PLEKHG1: variants seen among roughly 807,000 people sequenced by gnomAD.
The protein encoded by PLEKHG1 is pleckstrin homology domain-containing family G member 1.
PLEKHG1 carries 44 observed loss-of-function variants against 100.8 expected under a neutral mutation model. The ratio of observed to expected loss-of-function variants is 0.44; its 90% CI spans 0.34 to 0.56. The LOEUF (loss-of-function observed/expected upper bound fraction) is 0.56. Among genes scored for constraint, PLEKHG1 ranks in the 20% least tolerant of loss-of-function variants. PLEKHG1 has a pLI of 0.01. For missense variants in PLEKHG1, 1,545 were observed against 1,720.9 expected, an observed-to-expected ratio of 0.90 and a Z score of 1.81; for synonymous variants, 640 against 662.5, an observed-to-expected ratio of 0.97 and a Z score of 0.52.
At position 150,651,025 on chromosome 6, in the gene PLEKHG1, CTA is replaced by C. The variant is rs568184437; in HGVS notation, c.-99+242_-99+243del. ...AATTGTTTTTCCTATACATGCATATCTATAATAAGTTTTCATGTCTACATTAG... is the reference window on the plus strand; with the variant it reads ...AATTGTTTTTCCTATACATGCATATCTAATAAGTTTTCATGTCTACATTAG... On this transcript the variant is annotated intron_variant, in intron 3 of 3. Transcript: ENST00000367326. The C allele has an allele frequency of 1.4e-4, 21 of 152,214 alleles. No homozygotes were observed. The South Asian group carries it at 4.4e-3, about 32-fold the overall frequency. The allele number at this position is 152,214 out of a possible 1,614,324, so 9.4% of individuals were successfully genotyped here.
At position 150,816,326 on chromosome 6, in the gene PLEKHG1, CTTTTTTTTTTT is replaced by C. The variant is rs1173343082; in HGVS notation, c.1279-1836_1279-1826del. ...GAGGTTTGAAGTTGTCTCAAACATACTTTTTTTTTTTTTTTTTTTTTTTTTTTTTTTGAGAT... is the reference window on the plus strand; with the variant it reads ...GAGGTTTGAAGTTGTCTCAAACATACTTTTTTTTTTTTTTTTTTTTGAGAT... On this transcript the variant is annotated intron_variant, in intron 10 of 15. Transcript: ENST00000358517. 1.3e-3 allele frequency among the ~76,000 whole-genome samples: 55 copies of C among 41,128 alleles called. No individual in the cohort carries two copies. In the East Asian group the frequency reaches 0.018, roughly 13 times the overall value. The allele number at this position is 41,128 out of a possible 152,430, so 27.0% of individuals were successfully genotyped here.
intron 2 of PLEKHG1, among the ~76,000 whole-genome samples, chr6:150,640,310 A>G (rs1778199697): frequency 6.6e-6 from 1 of 152,240 alleles, no homozygotes; most frequent in African/African-American, 2.4e-5. Flanking sequence ...CTTTTTCAGA[A>G]GATGATCTTG....
chr6:150,769,584 C>CAA (rs5880898), intron 3 of PLEKHG1, among the ~76,000 whole-genome samples: 844 of 64,026 alleles, frequency 0.013, 27 homozygotes, highest in African/African-American at 0.035. Flanking sequence ...GACTCCATCT[C>CAA]AAAAAAAAAA....
intron 1 of PLEKHG1, among the ~76,000 whole-genome samples, chr6:150,602,598 T>C (rs1026052432): frequency 6.6e-6 from 1 of 152,246 alleles, no homozygotes; most frequent in African/African-American, 2.4e-5. Flanking sequence ...TCCGCCCTTG[T>C]CTCAAGTTAT....
chr6:150,604,231 G>A (rs1776491661), intron 1 of PLEKHG1, among the ~76,000 whole-genome samples: 1 of 152,174 alleles, frequency 6.6e-6, no homozygotes, highest in East Asian at 1.9e-4. Flanking sequence ...TATTAAATGA[G>A]CTCTAATATT....
At chr6:150,664,095 A>G (rs1203759024) in intron 3 of PLEKHG1, 1 of 152,144 alleles carries the variant, frequency 6.6e-6, no homozygotes, top group Admixed American at 6.5e-5. Flanking sequence ...GTTTCTTCCC[A>G]TCTCTCTGCT....
intron 3 of PLEKHG1, among the ~76,000 whole-genome samples, chr6:150,785,427 A>G (rs1174578983): frequency 6.6e-6 from 1 of 152,224 alleles, no homozygotes; most frequent in Admixed American, 6.5e-5. Context: ...TCTTTGACCC[A>G]TCAATTCCAT....
chr6:150,758,405 T>C (rs9371196), intron 2 of PLEKHG1, among the ~76,000 whole-genome samples: 55,834 of 151,784 alleles, frequency 0.37, 12,634 homozygotes, highest in African/African-American at 0.62. Context: ...GGCACGATCT[T>C]GGCTCACTGC....
intron 1 of PLEKHG1, among the ~76,000 whole-genome samples, chr6:150,628,575 C>CACACACACACACACACACACACAA (rs754227842): frequency 7.3e-6 from 1 of 137,370 alleles, no homozygotes. Context: ...CACACACACA[C>CACACACACACACACACACACACAA]ACCCCGTCCT....
chr6:150,819,715 C>T lies in PLEKHG1; in HGVS notation c.1349C>T (p.Thr450Met), dbSNP rs776496089. The T allele has an allele frequency of 4.1e-5, 66 of 1,612,238 alleles. 1 individual carries two copies. The South Asian group carries it at 6.5e-4, about 16-fold the overall frequency. The change falls in exon 12 of 16, where the codon ACG becomes ATG. Residue 450 changes from threonine to methionine, a missense_variant. Physicochemically the swap from Thr to Met is moderately conservative, Grantham distance 81. Transcript: ENST00000358517. ...TTCTGTTACAGTCCTGAGGGAGGGA[C>T]GAAAGCACTGTTCGGCTCTAAAGAA... is the stretch of plus-strand genomic sequence containing the variant.
At chr6:150,800,463 G>A (rs941872595) in intron 5 of PLEKHG1, among the ~76,000 whole-genome samples, 8 of 152,184 alleles carry the variant, frequency 5.3e-5, no homozygotes, top group South Asian at 2.1e-4. Context: ...ACAAGGCCGC[G>A]TCTCCTAGAA....
chr6:150,782,779 A>G (rs1785388319), intron 3 of PLEKHG1, among the ~76,000 whole-genome samples: 1 of 152,236 alleles, frequency 6.6e-6, no homozygotes. Flanking sequence ...CAAAAGTTTC[A>G]GAACCACTGC....
chr6:150,630,924 C>T (rs1197478046), intron 1 of PLEKHG1, among the ~76,000 whole-genome samples: 1 of 152,106 alleles, frequency 6.6e-6, no homozygotes, highest in Non-Finnish European at 1.5e-5. Flanking sequence ...TGCATCCTAG[C>T]AGCTGGAAAG....
chr6:150,773,526 TC>T (rs1194838723), intron 3 of PLEKHG1, among the ~76,000 whole-genome samples: 2 of 152,234 alleles, frequency 1.3e-5, no homozygotes, highest in Non-Finnish European at 2.9e-5. Flanking sequence ...AAAGCGAGAC[TC>T]CGTCTCAAAA....
At chr6:150,800,613 A>T in intron 5 of PLEKHG1, 106 bp from the exon 7 acceptor site, 1 of 1,023,688 alleles carries the variant, frequency 9.8e-7, no homozygotes, top group Non-Finnish European at 1.5e-6. Context: ...ACAGCTCTGG[A>T]GCTACCCTAC....
At chr6:150,797,014 A>G (rs1274512102) in intron 5 of PLEKHG1, among the ~76,000 whole-genome samples, 1 of 151,908 alleles carries the variant, frequency 6.6e-6, no homozygotes, top group Admixed American at 6.6e-5. Flanking sequence ...TTTTTGAGAC[A>G]GAGTCTCACT....
intron 6 of PLEKHG1, 96 bp downstream of exon 7, chr6:150,800,965 T>A: frequency 1.1e-6 from 1 of 952,146 alleles, no homozygotes; most frequent in Non-Finnish European, 1.6e-6. Context: ...GCTATGGACA[T>A]ATGGAAACAT....
chr6:150,674,338 A>G (rs1461599328), intron 3 of PLEKHG1, among the ~76,000 whole-genome samples: 1 of 152,206 alleles, frequency 6.6e-6, no homozygotes, highest in East Asian at 1.9e-4. Context: ...AGTTCAGTTA[A>G]GCAGAACTTT....
chr6:150,637,179 C>T (rs1315441627), intron 1 of PLEKHG1, among the ~76,000 whole-genome samples: 1 of 152,124 alleles, frequency 6.6e-6, no homozygotes, highest in Non-Finnish European at 1.5e-5. Context: ...CTCTGAGTGG[C>T]TTCTGAAAAC....
Sources: gnomAD v4.1 joint callset for allele counts (sites outside exome capture counted in the v4.1 genomes callset) on GRCh38, gnomAD v4.1.1 for gene constraint, MANE v1.5 for transcripts, NCBI Gene and HGNC (gene_info 2026-07-23, HGNC 2026-07-21) for gene names.